The following SMCO2 variants were observed in gnomAD, a reference collection of about 807,000 sequenced individuals.
The protein encoded by SMCO2 is single-pass membrane and coiled-coil domain-containing protein 2.
Under a neutral mutation model 29.5 loss-of-function variants are expected in SMCO2, and 25 were observed. The ratio of observed to expected loss-of-function variants is 0.85; its 90% CI spans 0.62 to 1.18. The LOEUF is 1.18. Ranked by LOEUF, SMCO2 falls within the 50% of genes most tolerant of loss-of-function variation. The probability of loss-of-function intolerance (pLI) is 0.00; values close to 1 mark genes in which losing one functional copy is unlikely to be tolerated. For synonymous variants in SMCO2, 117 were observed against 123.3 expected (o/e 0.95, Z 0.34); for missense variants, 348 against 344.5 (o/e 1.01, Z -0.08).
At chr12:27,460,011 A>G in the SMCO2 span, among the ~76,000 whole-genome samples, 1 of 152,360 alleles carries the variant, frequency 6.6e-6, no homozygotes, top group African/African-American at 2.4e-5. Flanking sequence ...ACCTATCACA[A>G]GTTCTCATCT....
chr12:27,475,731 G>A, intron 4 of SMCO2: 1 of 1,543,214 alleles, frequency 6.5e-7, no homozygotes, highest in East Asian at 2.5e-5. Context: ...ACAGTGAAGA[G>A]GTAATTGTAG....
the SMCO2 span, among the ~76,000 whole-genome samples, chr12:27,460,631 A>G: frequency 6.6e-6 from 1 of 152,132 alleles, no homozygotes; most frequent in African/African-American, 2.4e-5. Context: ...GCAGAGGCAG[A>G]AGAGGTGGAG....
chr12:27,484,266 C>T (rs941976581), intron 4 of SMCO2, among the ~76,000 whole-genome samples: 4 of 152,128 alleles, frequency 2.6e-5, no homozygotes, highest in African/African-American at 9.7e-5. Flanking sequence ...GTAATCCCCG[C>T]TGCTCGGGAG....
At chr12:27,446,426 C>T in the SMCO2 span, 1 of 152,236 alleles carries the variant, frequency 6.6e-6, no homozygotes, top group Non-Finnish European at 1.5e-5. Context: ...AATACCATCA[C>T]ATTGGGGCGT....
chr12:27,477,209 GGTTTTTTTT>G (rs1301701072), intron 4 of SMCO2, among the ~76,000 whole-genome samples: 3,170 of 134,038 alleles, frequency 0.024, 101 homozygotes, highest in African/African-American at 0.078. Flanking sequence ...TTGGCTGTCA[GGTTTTTTTT>G]TTTTTTTTTT....
chr12:27,447,761 T>A, the SMCO2 span, among the ~76,000 whole-genome samples: 3 of 149,538 alleles, frequency 2.0e-5, no homozygotes, highest in Non-Finnish European at 4.4e-5. Flanking sequence ...ACTTTAGGCC[T>A]CACTCCAGAC....
chr12:27,476,858 A>G (rs1440325775), intron 4 of SMCO2, among the ~76,000 whole-genome samples: 1 of 152,076 alleles, frequency 6.6e-6, no homozygotes, highest in East Asian at 1.9e-4. Context: ...CAAGGTTATT[A>G]TTGATAAGTA....
rs376726851 is a variant in SMCO2 at position 27,470,609 on chromosome 12, A to G, written c.-10-13A>G. On this transcript the variant is annotated splice_polypyrimidine_tract_variant and intron_variant, in intron 1 of 7. Coordinates refer to ENST00000298876, the Ensembl canonical transcript of SMCO2. The stretch of plus-strand genomic sequence containing the variant: ...CCATAAAATCCCTCTTGTTGTCATT[A>G]TTGTCCTTACAGTGCCGAAGAAATG... 5 of 1,549,016 alleles carry G rather than the reference A, an allele frequency of 3.2e-6. No homozygotes were observed. Among genetic ancestry groups the G allele is most frequent in the Non-Finnish European group, 4.4e-6 (5 of 1,145,702 alleles).
the SMCO2 span, among the ~76,000 whole-genome samples, chr12:27,459,135 C>T: frequency 0.03 from 4,233 of 140,172 alleles, 95 homozygotes; most frequent in Non-Finnish European, 0.046. Context: ...TGAAGTGAGC[C>T]AAGATCGCGC....
intron 4 of SMCO2, chr12:27,475,629 T>A (rs1217460701): frequency 7.1e-6 from 11 of 1,550,086 alleles, no homozygotes. Context: ...AACACAAAGA[T>A]AGGTCTCCAG....
intron 5 of SMCO2, among the ~76,000 whole-genome samples, chr12:27,489,056 CT>C (rs919788766): frequency 1.6e-4 from 24 of 148,000 alleles, no homozygotes; most frequent in African/African-American, 2.2e-4. Flanking sequence ...ACTTTCTTTC[CT>C]TTTTTTTTTG....
At chr12:27,446,980 G>A in the SMCO2 span, among the ~76,000 whole-genome samples, 1 of 152,118 alleles carries the variant, frequency 6.6e-6, no homozygotes, top group Non-Finnish European at 1.5e-5. Flanking sequence ...CTGAGCATTG[G>A]CATTTTATAA....
At chr12:27,460,570 G>T in the SMCO2 span, among the ~76,000 whole-genome samples, 1 of 152,132 alleles carries the variant, frequency 6.6e-6, no homozygotes, top group East Asian at 1.9e-4. Flanking sequence ...TCGTCAGGTT[G>T]AGTAGACTGA....
At chr12:27,499,119 C>T (rs1943047490) in intron 7 of SMCO2, among the ~76,000 whole-genome samples, 1 of 150,778 alleles carries the variant, frequency 6.6e-6, no homozygotes, top group Admixed American at 6.6e-5. Context: ...AAAATGTCCA[C>T]ACAAAAACCT....
At chr12:27,441,688 GA>G in the SMCO2 span, among the ~76,000 whole-genome samples, 1 of 152,054 alleles carries the variant, frequency 6.6e-6, no homozygotes, top group African/African-American at 2.4e-5. Context: ...AATCAACAAG[GA>G]AACAGTGGGG....
the SMCO2 span, among the ~76,000 whole-genome samples, chr12:27,447,204 ACTTT>A: frequency 6.6e-6 from 1 of 151,948 alleles, no homozygotes; most frequent in East Asian, 1.9e-4. Flanking sequence ...CATTTACTTC[ACTTT>A]CACCTCCAGC....
At chr12:27,495,981 A>C in intron 7 of SMCO2, 126 bp downstream of exon 8, 1 of 1,036,796 alleles carries the variant, frequency 9.6e-7, no homozygotes, top group Non-Finnish European at 1.3e-6. Flanking sequence ...TAAATTATCT[A>C]TGTTCTTTAA....
the SMCO2 span, among the ~76,000 whole-genome samples, chr12:27,451,702 G>A: frequency 6.6e-6 from 1 of 152,192 alleles, no homozygotes; most frequent in African/African-American, 2.4e-5. Flanking sequence ...GCACATGTCT[G>A]CCTCAACAGC....
chr12:27,488,385 G>T, intron 4 of SMCO2, 75 bp from the exon 6 acceptor site: 2 of 1,015,914 alleles, frequency 2.0e-6, no homozygotes, highest in African/African-American at 1.7e-5. Flanking sequence ...TTTCATTTTT[G>T]AAAGATCAAA....
Sources: gnomAD v4.1 joint callset for allele counts (sites outside exome capture counted in the v4.1 genomes callset) on GRCh38, gnomAD v4.1.1 for gene constraint, MANE v1.5 for transcripts, NCBI Gene and HGNC (gene_info 2026-07-23, HGNC 2026-07-21) for gene names.